Variants in SLC14A2 observed in about 807,000 individuals in gnomAD.
SLC14A2 encodes the protein solute carrier family 14 member 2.
A neutral mutation model predicts 104.6 loss-of-function variants in SLC14A2; 91 were observed. The observed-to-expected ratio is 0.87, with a 90% CI of 0.73 to 1.04. The LOEUF is 1.04. SLC14A2 is among the 50% of genes least tolerant of loss of function. The pLI is 0.00. For missense variants in SLC14A2, 1,189 were observed against 1,156.0 expected (o/e 1.03, Z -0.41); for synonymous variants, 476 against 466.4 (o/e 1.02, Z -0.27).
chr18:45,402,109 G>A (rs187981030), intron 1 of SLC14A2, among the ~76,000 whole-genome samples: 6 of 152,220 alleles, frequency 3.9e-5, no homozygotes, highest in African/African-American at 7.2e-5. Context: ...TACTGAGCAC[G>A]TAAGACAGAG....
Position 45,230,949 on chromosome 18 carries a change from G to A in SLC14A2, c.-125+17758G>A, listed in dbSNP as rs533686041. ...CAGGAAAAATATTTTTTGAGCCCAGGTTTCAATTATGTTAAATCTTTAACA... is the reference window on the plus strand; with the variant it reads ...CAGGAAAAATATTTTTTGAGCCCAGATTTCAATTATGTTAAATCTTTAACA... On this transcript the variant is annotated intron_variant, in intron 1 of 20. Transcript: ENST00000586448. Among the ~76,000 whole-genome samples the A allele has an allele frequency of 2.6e-5, 4 of 152,236 alleles. No homozygotes were observed. The East Asian group carries it at 7.7e-4, about 29-fold the overall frequency.
intron 1 of SLC14A2, among the ~76,000 whole-genome samples, chr18:45,357,403 G>C (rs1471338250): frequency 6.6e-6 from 1 of 151,900 alleles, no homozygotes; most frequent in African/African-American, 2.4e-5. Flanking sequence ...TTGAGCCCAG[G>C]AGTTCAAGAC....
intron 2 of SLC14A2, among the ~76,000 whole-genome samples, chr18:45,555,531 C>T (rs1190810733): frequency 6.6e-6 from 1 of 152,182 alleles, no homozygotes; most frequent in East Asian, 1.9e-4. Flanking sequence ...AGAAAAAAAG[C>T]TCAACAGACT....
At chr18:45,211,503 AAATT>A (rs2083961498), upstream of SLC14A2, among the ~76,000 whole-genome samples, 1 of 152,188 alleles carries the variant, frequency 6.6e-6, no homozygotes, top group African/African-American at 2.4e-5. Context: ...AAATTAATTC[AAATT>A]AATTGTCATG....
chr18:45,668,428 G>C lies in SLC14A2; in HGVS notation c.1987G>C (p.Asp663His), dbSNP rs142205866. ...LLMAVFSDKG[D>H]YYWWLLLPVI... is the part of the protein sequence containing the mutation. ...GATGGCCGTGTTCTCAGACAAAGGT[G>C]ACTACTACTGGTGGCTGTTGCTACC... The change falls in exon 15 of 20, where the codon GAC (aspartate) becomes CAC (histidine). Residue 663 changes from aspartate (D) to histidine (H), a missense_variant. Physicochemically the swap from Asp to His is moderately conservative, Grantham distance 81 (BLOSUM62 -1). Transcript: ENST00000255226. 8 of 1,614,060 alleles carry C rather than the reference G, an allele frequency of 5.0e-6. No individual in the cohort carries two copies. Among genetic ancestry groups the C allele is most frequent in the Non-Finnish European group, 6.8e-6 (8 of 1,180,034 alleles).
At chr18:45,196,695 T>C in the SLC14A2 span, among the ~76,000 whole-genome samples, 3 of 152,084 alleles carry the variant, frequency 2.0e-5, no homozygotes, top group Non-Finnish European at 4.4e-5. Context: ...GCCAGAAGAG[T>C]GAATTTTGTG....
At chr18:45,669,155 G>T (rs922865385) in intron 15 of SLC14A2, 151 bp from the exon 16 acceptor site, 10 of 607,010 alleles carry the variant, frequency 1.6e-5, no homozygotes, top group African/African-American at 1.3e-4. Flanking sequence ...AAGAGGCCCA[G>T]GGAAAGACCT....
chr18:45,230,401 A>T (rs1338210062), intron 1 of SLC14A2, among the ~76,000 whole-genome samples: 1 of 152,150 alleles, frequency 6.6e-6, no homozygotes, highest in African/African-American at 2.4e-5. Flanking sequence ...GACCACCTGC[A>T]TTTCTCGGCC....
chr18:45,247,552 C>T (rs1285358345), intron 1 of SLC14A2, among the ~76,000 whole-genome samples: 2 of 152,144 alleles, frequency 1.3e-5, no homozygotes, highest in East Asian at 1.9e-4. Context: ...TCTGTCTATT[C>T]GTTCTTCTAG....
chr18:45,463,578 C>T (rs2087084862), intron 1 of SLC14A2, among the ~76,000 whole-genome samples: 1 of 152,172 alleles, frequency 6.6e-6, no homozygotes, highest in South Asian at 2.1e-4. Context: ...TGGTTGTAGC[C>T]AGGTTTGTAG....
intron 1 of SLC14A2, among the ~76,000 whole-genome samples, chr18:45,344,018 A>G (rs372048639): frequency 5.3e-4 from 80 of 152,222 alleles, no homozygotes; most frequent in Non-Finnish European, 2.1e-4. Context: ...CAATTTGTGC[A>G]TAAAAGCAGC....
chr18:45,485,389 T>C (rs908532197), intron 2 of SLC14A2: 3 of 152,216 alleles, frequency 2.0e-5, no homozygotes, highest in African/African-American at 7.2e-5. Context: ...TTCCACTACA[T>C]GCTACTGACC....
the SLC14A2 span, among the ~76,000 whole-genome samples, chr18:45,186,280 A>T: frequency 6.6e-6 from 1 of 152,256 alleles, no homozygotes; most frequent in Non-Finnish European, 1.5e-5. Context: ...CATCAGGTCA[A>T]TAAGACAGGA....
At chr18:45,168,606 T>C in the SLC14A2 span, 5 of 152,342 alleles carry the variant, frequency 3.3e-5, no homozygotes, top group South Asian at 4.1e-4. Context: ...AGAATTTACG[T>C]ACATGAGCCT....
rs2045579773 is a variant in SLC14A2 at position 45,644,121 on chromosome 18, CTGA to C, written c.1313_1315del (p.Leu438_Thr439delinsPro). 6.2e-7 allele frequency: 1 copy of C among 1,614,120 alleles called. No homozygotes were observed. ...CCCCGAGGCCAACCGCATCTACTAC[CTGA>C]CAGTGAAAAGCGGTGAAGAAGAGAA... On this transcript the variant is annotated inframe_deletion, in exon 10 of 20. Transcript: ENST00000255226.
intron 1 of SLC14A2, among the ~76,000 whole-genome samples, chr18:45,376,766 T>A (rs1200366224): frequency 6.6e-6 from 1 of 152,160 alleles, no homozygotes; most frequent in African/African-American, 2.4e-5. Flanking sequence ...AAGCCAACTA[T>A]CTGGGCATGG....
chr18:45,421,774 A>G (rs550792860), intron 1 of SLC14A2, among the ~76,000 whole-genome samples: 1 of 152,346 alleles, frequency 6.6e-6, no homozygotes, highest in South Asian at 2.1e-4. Flanking sequence ...GCCTCAAAGA[A>G]TGGAGAGATG....
At chr18:45,465,771 C>A (rs890044522) in intron 1 of SLC14A2, among the ~76,000 whole-genome samples, 4 of 152,104 alleles carry the variant, frequency 2.6e-5, no homozygotes, top group African/African-American at 9.7e-5. Flanking sequence ...GGAGGAGCAG[C>A]CAACTGCCTG....
intron 1 of SLC14A2, among the ~76,000 whole-genome samples, chr18:45,468,735 T>A (rs1222881275): frequency 6.6e-6 from 1 of 152,154 alleles, no homozygotes; most frequent in Non-Finnish European, 1.5e-5. Flanking sequence ...GTGAAAGAGG[T>A]TAAGGCTTAG....
Sources: gnomAD v4.1 joint callset for allele counts (sites outside exome capture counted in the v4.1 genomes callset) on GRCh38, gnomAD v4.1.1 for gene constraint, MANE v1.5 for transcripts, NCBI Gene and HGNC (gene_info 2026-07-23, HGNC 2026-07-21) for gene names.